The following RIC8B variants were observed in gnomAD, a reference collection of about 807,000 sequenced individuals.
RIC8B encodes the protein RIC8 guanine nucleotide exchange factor B.
In RIC8B, 16 loss-of-function variants were observed where a neutral mutation model predicts 57.5. The ratio of observed to expected loss-of-function variants is 0.28; its 90% CI spans 0.19 to 0.42. RIC8B has a LOEUF of 0.42. RIC8B is among the 10% of genes least tolerant of loss of function. The pLI is 1.00. For missense variants in RIC8B, 481 were observed against 677.0 expected (o/e 0.71, Z 3.21); for synonymous variants, 216 against 250.8 (o/e 0.86, Z 1.31).
chr12:106,817,290 A>G (rs1224724296), intron 3 of RIC8B, among the ~76,000 whole-genome samples: 1 of 152,224 alleles, frequency 6.6e-6, no homozygotes, highest in South Asian at 2.1e-4. Flanking sequence ...AAACAAATAT[A>G]TAATTCAAAT....
chr12:106,825,396 A>G (rs1413278932), intron 3 of RIC8B, among the ~76,000 whole-genome samples: 3 of 152,212 alleles, frequency 2.0e-5, no homozygotes, highest in Non-Finnish European at 4.4e-5. Flanking sequence ...ATCTGTTGAA[A>G]CTTTTATAAT....
At chr12:106,868,414 T>C (rs1950229718) in intron 8 of RIC8B, 3 of 451,426 alleles carry the variant, frequency 6.6e-6, no homozygotes, top group Non-Finnish European at 1.3e-5. Flanking sequence ...TTTTCTTTGC[T>C]TGGGAAGTGG....
At chr12:106,812,021 A>G (rs988123076) in intron 2 of RIC8B, among the ~76,000 whole-genome samples, 1 of 150,960 alleles carries the variant, frequency 6.6e-6, no homozygotes, top group Non-Finnish European at 1.5e-5. Context: ...AAAACATTAA[A>G]TATGTCTATT....
At chr12:106,786,141 ATTT>A (rs893618675) in intron 2 of RIC8B, among the ~76,000 whole-genome samples, 531 of 73,814 alleles carry the variant, frequency 7.2e-3, no homozygotes, top group African/African-American at 0.029. Flanking sequence ...CCCAAGGTGT[ATTT>A]TTTTTTTTTT....
chr12:106,812,563 C>G (rs968545285), intron 2 of RIC8B, among the ~76,000 whole-genome samples: 8 of 151,318 alleles, frequency 5.3e-5, no homozygotes, highest in African/African-American at 1.9e-4. Context: ...TTTATAATAC[C>G]TTATTACATG....
chr12:106,863,146 A>G (rs993820636), intron 8 of RIC8B, among the ~76,000 whole-genome samples: 5 of 152,130 alleles, frequency 3.3e-5, no homozygotes, highest in Admixed American at 6.5e-5. Flanking sequence ...ATCAACTGAA[A>G]GATGTGTGTC....
chr12:106,828,319 GCTAATC>G (rs1193220588), intron 4 of RIC8B, among the ~76,000 whole-genome samples: 1 of 152,106 alleles, frequency 6.6e-6, no homozygotes, highest in Non-Finnish European at 1.5e-5. Flanking sequence ...ATGACTCCAG[GCTAATC>G]CATTTAAATT....
At chr12:106,862,708 C>G (rs1402464032) in intron 8 of RIC8B, among the ~76,000 whole-genome samples, 2 of 152,108 alleles carry the variant, frequency 1.3e-5, no homozygotes, top group African/African-American at 4.8e-5. Flanking sequence ...CCAGTTGGCT[C>G]TAGTCCCATT....
chr12:106,787,058 G>A (rs115801033), intron 2 of RIC8B, among the ~76,000 whole-genome samples: 2,119 of 152,248 alleles, frequency 0.014, 56 homozygotes, highest in African/African-American at 0.049. Flanking sequence ...TTAATAAAAT[G>A]TGTTTATTTC....
intron 4 of RIC8B, among the ~76,000 whole-genome samples, chr12:106,834,994 A>AG (rs1232780677): frequency 6.6e-6 from 1 of 150,988 alleles, no homozygotes; most frequent in African/African-American, 2.4e-5. Context: ...AAAAAAAAAA[A>AG]AAAAAAAAAA....
intron 2 of RIC8B, among the ~76,000 whole-genome samples, chr12:106,807,765 C>T (rs2045110837): frequency 6.6e-6 from 1 of 152,116 alleles, no homozygotes; most frequent in South Asian, 2.1e-4. Flanking sequence ...CCTCTGTATC[C>T]ATAGATTCAA....
intron 3 of RIC8B, among the ~76,000 whole-genome samples, chr12:106,820,100 T>A (rs1323811779): frequency 6.6e-6 from 1 of 152,232 alleles, no homozygotes; most frequent in Non-Finnish European, 1.5e-5. Flanking sequence ...TTTGCCTGTT[T>A]CACAGCTTTA....
intron 2 of RIC8B, among the ~76,000 whole-genome samples, chr12:106,801,332 A>G (rs1265308292): frequency 2.0e-5 from 3 of 152,218 alleles, no homozygotes; most frequent in Admixed American, 6.5e-5. Context: ...ACTCTTGATG[A>G]TGTAATGTGT....
chr12:106,834,437 A>C (rs1458256870), intron 4 of RIC8B, among the ~76,000 whole-genome samples: 2 of 152,224 alleles, frequency 1.3e-5, no homozygotes, highest in Non-Finnish European at 2.9e-5. Flanking sequence ...TGTAAATTGT[A>C]ATATGACCAA....
intron 4 of RIC8B, among the ~76,000 whole-genome samples, chr12:106,835,881 T>C (rs75560576): frequency 0.016 from 2,401 of 152,330 alleles, 32 homozygotes; most frequent in Non-Finnish European, 0.022. Context: ...GGTCTTTCCA[T>C]TCAAAGTTTT....
chr12:106,852,846 G>C (rs900792624), intron 7 of RIC8B, among the ~76,000 whole-genome samples: 27 of 152,158 alleles, frequency 1.8e-4, no homozygotes, highest in African/African-American at 1.9e-4. Flanking sequence ...TTAGCATCTT[G>C]GAATTAAGTG....
In RIC8B at chr12:106,853,453, C is replaced by CTTTTTTTT. The variant is rs758876525; in HGVS notation, c.1306+1885_1306+1892dup. 3.3e-3 allele frequency among the ~76,000 whole-genome samples: 126 copies of CTTTTTTTT among 38,048 alleles called. 24 individuals are homozygous for CTTTTTTTT. Among genetic ancestry groups the CTTTTTTTT allele is most frequent in the African/African-American group, 7.1e-3 (54 of 7,608 alleles). The allele number at this position is 38,048 out of a possible 152,430, so 25.0% of individuals were successfully genotyped here. A position where few individuals can be genotyped will look rare whatever the true frequency, so the allele number is the denominator to read the frequency against. On this transcript the variant is annotated intron_variant, in intron 7 of 9. Coordinates refer to ENST00000392837, the MANE Select transcript of RIC8B (RefSeq NM_001330145.2). ...GACCTCAACAATTCTGCTTTATAGTCTTTTTTTTTTTTTTTTTTTTTTTTT... is the reference window on the plus strand; with the variant it reads ...GACCTCAACAATTCTGCTTTATAGTCTTTTTTTTTTTTTTTTTTTTTTTTTTTTTTTTT...
chr12:106,880,682 G>A (rs1950882883), intron 9 of RIC8B, among the ~76,000 whole-genome samples: 1 of 152,126 alleles, frequency 6.6e-6, no homozygotes, highest in African/African-American at 2.4e-5. Context: ...AATAATTACA[G>A]TTAAAATAAC....
intron 2 of RIC8B, among the ~76,000 whole-genome samples, chr12:106,798,639 T>C (rs1228681029): frequency 6.6e-6 from 1 of 152,110 alleles, no homozygotes; most frequent in Non-Finnish European, 1.5e-5. Flanking sequence ...TAGCTGTAAT[T>C]GTTAGAAGGC....
Sources: gnomAD v4.1 joint callset for allele counts (sites outside exome capture counted in the v4.1 genomes callset) on GRCh38, gnomAD v4.1.1 for gene constraint, MANE v1.5 for transcripts, NCBI Gene and HGNC (gene_info 2026-07-23, HGNC 2026-07-21) for gene names.